PIK3CD: variants seen among roughly 807,000 people sequenced by gnomAD.
PIK3CD encodes the protein phosphatidylinositol 4,5-bisphosphate 3-kinase catalytic subunit delta isoform.
PIK3CD carries 20 observed loss-of-function variants against 122.9 expected under a neutral mutation model. The ratio of observed to expected loss-of-function variants is 0.16; its 90% CI spans 0.11 to 0.24. The LOEUF (loss-of-function observed/expected upper bound fraction) is 0.24, where lower values mean the gene tolerates loss of function less well. Ranked by LOEUF, PIK3CD falls within the 10% of genes least tolerant of loss-of-function variation. The probability of loss-of-function intolerance (pLI) is 1.00; values close to 1 mark genes in which losing one functional copy is unlikely to be tolerated. For missense variants in PIK3CD, 787 were observed against 1,406.3 expected, an observed-to-expected ratio of 0.56 and a Z score of 7.04; for synonymous variants, 596 against 593.4, an observed-to-expected ratio of 1.00 and a Z score of -0.06.
chr1:9,677,769 C>A (rs992444810), intron 1 of PIK3CD, among the ~76,000 whole-genome samples: 1 of 151,688 alleles, frequency 6.6e-6, no homozygotes. Flanking sequence ...TGTGTTTATT[C>A]ATGCATACTG....
Position 9,719,597 on chromosome 1 carries a change from G to A in PIK3CD, c.1243-324G>A, listed in dbSNP as rs1258587365. 6.6e-6 allele frequency among the ~76,000 whole-genome samples: 1 copy of A among 151,444 alleles called. No homozygotes were observed. Among genetic ancestry groups the A allele is most frequent in the Non-Finnish European group, 1.5e-5 (1 of 67,924 alleles). ...AATTGCTTGAACCAAGGAGGCAGAG[G>A]TTGCAATGAGCCGAGATCGTGCCAC... On this transcript the variant is annotated intron_variant, in intron 9 of 23. Transcript: ENST00000377346. This position sits in a 1 kb window ranked among gnomAD's most constrained non-coding sequence, Gnocchi z 5.5.
intron 1 of PIK3CD, among the ~76,000 whole-genome samples, chr1:9,688,910 G>T: frequency 6.6e-6 from 1 of 152,092 alleles, no homozygotes; most frequent in East Asian, 1.9e-4. Flanking sequence ...CACGCACACC[G>T]CCCGTTGTAA....
chr1:9,705,323 CAAAAAAAAAAA>C (rs563873650), intron 2 of PIK3CD, among the ~76,000 whole-genome samples: 6 of 57,556 alleles, frequency 1.0e-4, no homozygotes, highest in East Asian at 8.7e-4. Context: ...TTAAAAATAC[CAAAAAAAAAAA>C]AAAAAAAGGA....
Position 9,722,722 on chromosome 1 carries a change from TC to T in PIK3CD, c.2426+118del, listed in dbSNP as rs1406964715. The T allele has an allele frequency of 1.1e-6, 1 of 905,240 alleles. No homozygotes were observed. The highest frequency in any genetic ancestry group is 1.8e-6 in the Non-Finnish European group (1 of 556,556). The allele number at this position is 905,240 out of a possible 1,614,324, so 56.1% of individuals were successfully genotyped here. On this transcript the variant is annotated intron_variant, in intron 19 of 23. Transcript: ENST00000377346. This position sits in a 1 kb window ranked among gnomAD's most constrained non-coding sequence, Gnocchi z 7.6. The stretch of plus-strand genomic sequence containing the variant: ...ACCATCTCAGCCGGGGAAAGGGCTT[TC>T]CTAGGAAGACCCGGAGGCGGTTTAA...
rs1648272673 is a variant in PIK3CD at position 9,720,101 on chromosome 1, C to T, written c.1340-11C>T. On this transcript the variant is annotated splice_polypyrimidine_tract_variant and intron_variant, in intron 10 of 23. Transcript: ENST00000377346. The surrounding 1 kb of genome is among the most constrained non-coding windows in gnomAD (Gnocchi z 9.0). Reference sequence around the variant, plus strand: ...TCACCCCTCTACAACTTCATCTGCCCCTGTGTTCAGATGAGAAGGGCGAGC... The same window carrying T: ...TCACCCCTCTACAACTTCATCTGCCTCTGTGTTCAGATGAGAAGGGCGAGC... 6.2e-7 allele frequency: 1 copy of T among 1,613,200 alleles called. No individual in the cohort carries two copies. Among genetic ancestry groups the T allele is most frequent in the African/African-American group, 1.3e-5 (1 of 74,906 alleles).
chr1:9,628,130 C>T, the PIK3CD span, among the ~76,000 whole-genome samples: 1 of 152,158 alleles, frequency 6.6e-6, no homozygotes, highest in South Asian at 2.1e-4. Flanking sequence ...TGGTGAAACC[C>T]TGTCTCTACG....
intron 2 of PIK3CD, among the ~76,000 whole-genome samples, chr1:9,698,529 T>C (rs112207137): frequency 1.4e-3 from 210 of 152,354 alleles, no homozygotes; most frequent in African/African-American, 4.9e-3. Flanking sequence ...ATTTGCAGTG[T>C]TGTGTAGTGT....
rs1194055045 is a variant in PIK3CD at position 9,657,527 on chromosome 1, C to T, written c.-138+5725C>T. Among the ~76,000 whole-genome samples, 4 of 152,120 alleles carry T rather than the reference C, an allele frequency of 2.6e-5. 1 individual carries two copies. In the South Asian group the frequency reaches 6.2e-4, roughly 24 times the overall value. ...TGACCCCAGCCTCCTTCCTGCTTTC[C>T]GTTCCCCAACTTTTATGAACTGGCA... On this transcript the variant is annotated intron_variant, in intron 1 of 23. Coordinates refer to ENST00000377346, the MANE Select transcript of PIK3CD (RefSeq NM_005026.5).
At chr1:9,702,500 CTTTTTTTTT>C (rs60167511) in intron 2 of PIK3CD, among the ~76,000 whole-genome samples, 74 of 25,814 alleles carry the variant, frequency 2.9e-3, no homozygotes, top group African/African-American at 4.0e-3. Flanking sequence ...AAGAACTTTC[CTTTTTTTTT>C]TTTTTTTTTT....
the PIK3CD span, among the ~76,000 whole-genome samples, chr1:9,639,144 C>T: frequency 6.6e-6 from 1 of 152,094 alleles, no homozygotes; most frequent in Non-Finnish European, 1.5e-5. Flanking sequence ...TCTTCTAATC[C>T]TAAACCTTCT....
chr1:9,668,583 G>A (rs1320526098), intron 1 of PIK3CD, among the ~76,000 whole-genome samples: 1 of 151,872 alleles, frequency 6.6e-6, no homozygotes, highest in Non-Finnish European at 1.5e-5. Context: ...CCCAAGCAGT[G>A]TACACTGTAC....
At chr1:9,681,469 C>T (rs1645748800) in intron 1 of PIK3CD, among the ~76,000 whole-genome samples, 1 of 152,210 alleles carries the variant, frequency 6.6e-6, no homozygotes, top group African/African-American at 2.4e-5. Context: ...GGCTGGAGTG[C>T]AGTGGCGCAA....
intron 1 of PIK3CD, among the ~76,000 whole-genome samples, chr1:9,679,806 G>A (rs953224349): frequency 1.7e-4 from 26 of 152,088 alleles, no homozygotes; most frequent in Non-Finnish European, 2.9e-4. Context: ...ATGGTTTTTT[G>A]TTGCTGTTGT....
At chr1:9,656,265 T>C (rs1213770956) in intron 1 of PIK3CD, among the ~76,000 whole-genome samples, 5 of 152,074 alleles carry the variant, frequency 3.3e-5, no homozygotes, top group Non-Finnish European at 7.4e-5. Flanking sequence ...AGAAATGGGG[T>C]GGAGTTTGGA....
At position 9,691,490 on chromosome 1, in the gene PIK3CD, A is replaced by AT; in HGVS notation, c.-113dup. On this transcript the variant is annotated 5_prime_UTR_variant, in exon 2 of 24. It removes an upstream start codon present in the reference 5' UTR. Transcript: ENST00000377346. ...AGATAAGGAGTCAGGCCAGGGCGGG[A>AT]TGACACTCATTGATTCTAAAGCATC... The AT allele has an allele frequency of 2.5e-6, 1 of 398,436 alleles. No homozygotes were observed. 24.7% of individuals were successfully genotyped at this position (398,436 alleles called of 1,614,324 possible).
At position 9,723,138 on chromosome 1, in the gene PIK3CD, G is replaced by A. The variant is rs757531779; in HGVS notation, c.2440G>A (p.Gly814Ser). Reference protein sequence around the residue: ...EGLDLRMTPYGCLPTGDRTGL... With the variant: ...EGLDLRMTPYSCLPTGDRTGL... Reference sequence around the variant, plus strand: ...CCCCTTGCCTAGGATGACCCCCTATGGCTGCCTCCCCACCGGGGACCGCAC... The same window carrying A: ...CCCCTTGCCTAGGATGACCCCCTATAGCTGCCTCCCCACCGGGGACCGCAC... The change falls in exon 20 of 24, where the codon GGC becomes AGC. Residue 814 changes from glycine to serine, a missense_variant. This residue lies in a region of PIK3CD where 69 missense variants were observed against 166.8 expected (regional missense o/e 0.41). Transcript: ENST00000377346. The surrounding 1 kb of genome is among the most constrained non-coding windows in gnomAD (Gnocchi z 4.9). 6.2e-7 allele frequency: 1 copy of A among 1,613,600 alleles called. No homozygotes were observed. Among genetic ancestry groups the A allele is most frequent in the South Asian group, 1.1e-5 (1 of 91,086 alleles).
chr1:9,678,856 C>T (rs1170436747), intron 1 of PIK3CD, among the ~76,000 whole-genome samples: 1 of 152,178 alleles, frequency 6.6e-6, no homozygotes, highest in Non-Finnish European at 1.5e-5. Flanking sequence ...AAATTTACAG[C>T]CCCTTTCTGG....
intron 3 of PIK3CD, among the ~76,000 whole-genome samples, chr1:9,714,262 A>G (rs1348944525): frequency 6.6e-6 from 1 of 152,194 alleles, no homozygotes; most frequent in Non-Finnish European, 1.5e-5. Flanking sequence ...TTTGGTCCCA[A>G]TTCTTCATAT....
chr1:9,666,768 G>A (rs768147009), intron 1 of PIK3CD, among the ~76,000 whole-genome samples: 1 of 151,718 alleles, frequency 6.6e-6, no homozygotes, highest in Non-Finnish European at 1.5e-5. Flanking sequence ...GCAGTGGTGC[G>A]ATCTTGGCTT....
Sources: gnomAD v4.1 joint callset for allele counts (sites outside exome capture counted in the v4.1 genomes callset) on GRCh38, gnomAD v4.1.1 for gene constraint, gnomAD v4.1.1 regional missense constraint, Gnocchi (gnomAD v3.1) non-coding constraint, MANE v1.5 for transcripts, NCBI Gene and HGNC (gene_info 2026-07-23, HGNC 2026-07-21) for gene names.